The following ROBO2 variants were observed in gnomAD, a reference collection of about 807,000 sequenced individuals.
ROBO2 encodes the protein roundabout homolog 2.
Under a neutral mutation model 160.8 loss-of-function variants are expected in ROBO2, and 53 were observed. The observed-to-expected ratio is 0.33, with a 90% CI of 0.26 to 0.41. The LOEUF (loss-of-function observed/expected upper bound fraction) is 0.41, where lower values mean the gene tolerates loss of function less well. ROBO2 is among the 10% of genes least tolerant of loss of function. The pLI, the probability that ROBO2 is intolerant of heterozygous loss-of-function variation, is 1.00. For synonymous variants in ROBO2, 664 were observed against 611.7 expected (o/e 1.09, Z -1.26); for missense variants, 1,577 against 1,722.4 (o/e 0.92, Z 1.49).
At chr3:77,132,513 C>T (rs893752978) in intron 2 of ROBO2, among the ~76,000 whole-genome samples, 4 of 151,958 alleles carry the variant, frequency 2.6e-5, no homozygotes, top group Non-Finnish European at 4.4e-5. Flanking sequence ...ATTTATACCA[C>T]AAGGAAGGTC....
intron 2 of ROBO2, among the ~76,000 whole-genome samples, chr3:76,246,962 G>A (rs918557246): frequency 6.6e-6 from 1 of 152,030 alleles, no homozygotes; most frequent in African/African-American, 2.4e-5. Context: ...TAAATTATCA[G>A]GCCTGGAACA....
intron 2 of ROBO2, among the ~76,000 whole-genome samples, chr3:75,979,567 A>G (rs2065223247): frequency 6.6e-6 from 1 of 151,508 alleles, no homozygotes; most frequent in Non-Finnish European, 1.5e-5. Flanking sequence ...CTTCTGGCAC[A>G]TAATTTTTAG....
At chr3:77,013,895 T>A (rs530714773) in intron 2 of ROBO2, among the ~76,000 whole-genome samples, 2 of 152,380 alleles carry the variant, frequency 1.3e-5, no homozygotes, top group East Asian at 3.9e-4. Flanking sequence ...TAGTGAGGTC[T>A]GTACAAATAC....
intron 2 of ROBO2, among the ~76,000 whole-genome samples, chr3:76,340,743 T>C (rs1017605961): frequency 1.3e-5 from 2 of 152,110 alleles, no homozygotes; most frequent in African/African-American, 4.8e-5. Context: ...GATGGATAAA[T>C]AAGATGTCAA....
At chr3:77,029,947 G>GTTTTTTTTTTT (rs2063207631) in intron 2 of ROBO2, among the ~76,000 whole-genome samples, 1 of 151,188 alleles carries the variant, frequency 6.6e-6, no homozygotes, top group African/African-American at 2.4e-5. Context: ...ATGCCATTCA[G>GTTTTTTTTTTT]TTCTTTTTTT....
At chr3:76,372,569 T>C (rs1489431867) in intron 2 of ROBO2, among the ~76,000 whole-genome samples, 2 of 151,986 alleles carry the variant, frequency 1.3e-5, no homozygotes, top group Non-Finnish European at 2.9e-5. Flanking sequence ...CTATAACAGA[T>C]ATCTTCTACT....
intron 2 of ROBO2, among the ~76,000 whole-genome samples, chr3:77,193,621 C>G (rs2082075441): frequency 6.6e-6 from 1 of 152,028 alleles, no homozygotes; most frequent in African/African-American, 2.4e-5. Context: ...CTTCTTTTTG[C>G]TAATTGGGCC....
At chr3:76,564,354 T>C (rs1010900604) in intron 2 of ROBO2, among the ~76,000 whole-genome samples, 1 of 152,202 alleles carries the variant, frequency 6.6e-6, no homozygotes, top group African/African-American at 2.4e-5. Flanking sequence ...AGAAATCACA[T>C]ACACTAATAA....
intron 2 of ROBO2, among the ~76,000 whole-genome samples, chr3:77,446,604 CTG>C (rs768231130): frequency 6.6e-6 from 1 of 152,012 alleles, no homozygotes; most frequent in Non-Finnish European, 1.5e-5. Flanking sequence ...AAAATAGACA[CTG>C]TATTTTTCTT....
intron 2 of ROBO2, among the ~76,000 whole-genome samples, chr3:75,991,661 TACCC>T (rs2065575753): frequency 6.6e-6 from 1 of 152,030 alleles, no homozygotes; most frequent in Non-Finnish European, 1.5e-5. Flanking sequence ...GCTGAAAAGA[TACCC>T]CAAAATGTGG....
At chr3:77,584,720 T>C (rs2093999126) in intron 16 of ROBO2, among the ~76,000 whole-genome samples, 1 of 152,014 alleles carries the variant, frequency 6.6e-6, no homozygotes, top group Admixed American at 6.6e-5. Flanking sequence ...AATTAATTCC[T>C]TAACCTGAGG....
chr3:76,939,073 G>T (rs2077972807), intron 2 of ROBO2, among the ~76,000 whole-genome samples: 1 of 151,980 alleles, frequency 6.6e-6, no homozygotes, highest in Non-Finnish European at 1.5e-5. Flanking sequence ...AGAGAGGTGG[G>T]TAAGGCAGAA....
chr3:76,540,861 G>A (rs1272400395), intron 2 of ROBO2, among the ~76,000 whole-genome samples: 1 of 152,104 alleles, frequency 6.6e-6, no homozygotes, highest in Non-Finnish European at 1.5e-5. Flanking sequence ...GTGCAGTGGT[G>A]AGATCTTAGC....
chr3:77,602,445 G>C (rs748626186), exon 20 of ROBO2: 3 of 1,614,142 alleles, frequency 1.9e-6, no homozygotes, highest in Non-Finnish European at 2.5e-6. Flanking sequence ...AAACAGATCT[G>C]ATGGGATTTG....
intron 2 of ROBO2, among the ~76,000 whole-genome samples, chr3:76,561,255 TC>T (rs1311160564): frequency 5.3e-5 from 8 of 152,020 alleles, no homozygotes; most frequent in Non-Finnish European, 1.2e-4. Context: ...GTTAATTTAC[TC>T]AATGAGAAAT....
At chr3:76,161,099 T>C (rs1329151076) in intron 2 of ROBO2, among the ~76,000 whole-genome samples, 1 of 152,136 alleles carries the variant, frequency 6.6e-6, no homozygotes, top group Non-Finnish European at 1.5e-5. Flanking sequence ...GCCATATCTT[T>C]TTGTAAAGCA....
At chr3:76,144,761 G>T (rs1381026192) in intron 2 of ROBO2, among the ~76,000 whole-genome samples, 4 of 151,978 alleles carry the variant, frequency 2.6e-5, no homozygotes, top group Non-Finnish European at 5.9e-5. Flanking sequence ...ATGAACTTCA[G>T]CTGGGTCCTG....
intron 2 of ROBO2, among the ~76,000 whole-genome samples, chr3:77,270,197 T>C (rs1043358523): frequency 2.0e-5 from 3 of 152,156 alleles, no homozygotes; most frequent in African/African-American, 7.2e-5. Context: ...TTCAAATCAA[T>C]ACCATTTCCT....
At chr3:75,918,753 TCGTAGGTTGTATTCCTA>T (rs1449741722) in intron 1 of ROBO2, among the ~76,000 whole-genome samples, 3 of 152,208 alleles carry the variant, frequency 2.0e-5, no homozygotes, top group African/African-American at 7.2e-5. Context: ...TTCACATCCC[TCGTAGGTTGTATTCCTA>T]CGTATTTTGT....
Sources: gnomAD v4.1 joint callset for allele counts (sites outside exome capture counted in the v4.1 genomes callset) on GRCh38, gnomAD v4.1.1 for gene constraint, MANE v1.5 for transcripts, NCBI Gene and HGNC (gene_info 2026-07-23, HGNC 2026-07-21) for gene names.